ROBO1: variants seen among roughly 807,000 people sequenced by gnomAD.
The protein encoded by ROBO1 is roundabout homolog 1.
ROBO1 carries 149 observed loss-of-function variants against 195.9 expected under a neutral mutation model. That is an observed-to-expected ratio of 0.76 (90% CI 0.67 to 0.87). The LOEUF (loss-of-function observed/expected upper bound fraction) is 0.87. Among genes scored for constraint, ROBO1 ranks in the 40% least tolerant of loss-of-function variants. The pLI is 0.00. For missense variants in ROBO1, 1,933 were observed against 2,068.3 expected (o/e 0.93, Z 1.27); for synonymous variants, 816 against 733.2 (o/e 1.11, Z -1.82).
intron 2 of ROBO1, among the ~76,000 whole-genome samples, chr3:79,516,897 T>C (rs927652926): frequency 1.3e-5 from 2 of 152,202 alleles, no homozygotes; most frequent in African/African-American, 4.8e-5. Context: ...TAATGCACTA[T>C]TGCCTTCCTG....
chr3:79,478,417 A>T (rs1376174268), intron 2 of ROBO1, among the ~76,000 whole-genome samples: 1 of 142,876 alleles, frequency 7.0e-6, no homozygotes, highest in Non-Finnish European at 1.5e-5. Flanking sequence ...AAAGACTTAC[A>T]TGTTAAGCTT....
intron 3 of ROBO1, among the ~76,000 whole-genome samples, chr3:78,977,687 A>G (rs1198584060): frequency 3.3e-5 from 5 of 151,860 alleles, no homozygotes; most frequent in Non-Finnish European, 7.4e-5. Context: ...CCATGAGAAA[A>G]TAAAATCTCC....
At chr3:78,729,367 T>G (rs2082236798) in intron 5 of ROBO1, among the ~76,000 whole-genome samples, 1 of 152,198 alleles carries the variant, frequency 6.6e-6, no homozygotes, top group Admixed American at 6.5e-5. Flanking sequence ...TCACCAGAGA[T>G]CCTTTTCATG....
At chr3:78,897,644 T>C (rs930451535) in intron 4 of ROBO1, among the ~76,000 whole-genome samples, 2 of 152,160 alleles carry the variant, frequency 1.3e-5, no homozygotes, top group Admixed American at 1.3e-4. Context: ...TTTATTATAG[T>C]GCACTATAAA....
intron 2 of ROBO1, among the ~76,000 whole-genome samples, chr3:79,272,594 A>G (rs1013989966): frequency 3.3e-5 from 5 of 152,050 alleles, no homozygotes; most frequent in Non-Finnish European, 7.4e-5. Context: ...CAGAGAGAGA[A>G]TTTGTGTGTT....
intron 19 of ROBO1, among the ~76,000 whole-genome samples, chr3:78,648,265 G>T (rs1284833028): frequency 6.6e-6 from 1 of 152,024 alleles, no homozygotes; most frequent in African/African-American, 2.4e-5. Flanking sequence ...TCACTGAGTG[G>T]AAATGCCTGA....
intron 3 of ROBO1, among the ~76,000 whole-genome samples, chr3:79,029,550 A>G (rs1023144482): frequency 3.3e-5 from 5 of 152,214 alleles, no homozygotes; most frequent in Non-Finnish European, 7.3e-5. Context: ...ATATTTTCCA[A>G]TAATAGTAAC....
At chr3:79,250,880 C>T (rs904118563) in intron 2 of ROBO1, among the ~76,000 whole-genome samples, 1 of 152,222 alleles carries the variant, frequency 6.6e-6, no homozygotes, top group African/African-American at 2.4e-5. Context: ...CATGGAGAAA[C>T]CACGCCTCTA....
chr3:79,388,186 G>A (rs1274823691), intron 2 of ROBO1, among the ~76,000 whole-genome samples: 2 of 151,924 alleles, frequency 1.3e-5, no homozygotes, highest in Non-Finnish European at 2.9e-5. Context: ...TCTTTCTTAC[G>A]CTAAAATTAT....
intron 4 of ROBO1, among the ~76,000 whole-genome samples, chr3:78,819,000 A>G (rs2030522904): frequency 6.6e-6 from 1 of 152,206 alleles, no homozygotes; most frequent in African/African-American, 2.4e-5. Flanking sequence ...GAAGGTGTAT[A>G]TACAGGAAAA....
At position 79,414,279 on chromosome 3, in the gene ROBO1, A is replaced by G. The variant is rs557688366; in HGVS notation, c.88+175545T>C. On this transcript the variant is annotated intron_variant, in intron 2 of 30. Coordinates refer to ENST00000464233, the MANE Select transcript of ROBO1 (RefSeq NM_002941.4). ...GTGTATGTGTGCGTGTGTCTTCAAC[A>G]GTAGGTATACAGCTCATTGTGGGCT... is the stretch of plus-strand genomic sequence containing the variant. Among the ~76,000 whole-genome samples, 326 of 150,700 alleles carry G rather than the reference A, an allele frequency of 2.2e-3. 1 individual carries two copies. Among genetic ancestry groups the G allele is most frequent in the African/African-American group, 7.3e-3 (298 of 40,998 alleles).
Position 78,996,846 on chromosome 3 carries a change from CAT to C in ROBO1, c.173-57921_173-57920del, listed in dbSNP as rs1264189787. 9.2e-5 allele frequency among the ~76,000 whole-genome samples: 14 copies of C among 152,252 alleles called. No homozygotes were observed. The East Asian group carries it at 2.7e-3, about 29-fold the overall frequency. ...GCATGTGTGTATACACATAAGAATACATGTTTATATGTGTATGATTTATGTAG... is the reference window on the plus strand; with the variant it reads ...GCATGTGTGTATACACATAAGAATACGTTTATATGTGTATGATTTATGTAG... On this transcript the variant is annotated intron_variant, in intron 3 of 30. Coordinates refer to ENST00000464233, the MANE Select transcript of ROBO1 (RefSeq NM_002941.4).
chr3:79,699,332 C>G (rs564661062), intron 1 of ROBO1, among the ~76,000 whole-genome samples: 26 of 151,456 alleles, frequency 1.7e-4, no homozygotes, highest in Non-Finnish European at 3.0e-4. Flanking sequence ...GGGAGCGCCC[C>G]CTACATGGCA....
intron 1 of ROBO1, among the ~76,000 whole-genome samples, chr3:79,734,906 T>A (rs1329780262): frequency 6.6e-6 from 1 of 152,232 alleles, no homozygotes; most frequent in Non-Finnish European, 1.5e-5. Flanking sequence ...TTAATTTGTC[T>A]GGATGCTACC....
At chr3:79,339,718 G>T (rs76429919) in intron 2 of ROBO1, among the ~76,000 whole-genome samples, 2 of 152,056 alleles carry the variant, frequency 1.3e-5, no homozygotes, top group Non-Finnish European at 2.9e-5. Flanking sequence ...ATTAAGCTCC[G>T]TTGAAGGCCA....
At chr3:78,720,537 A>G (rs373845144) in intron 5 of ROBO1, among the ~76,000 whole-genome samples, 6 of 152,288 alleles carry the variant, frequency 3.9e-5, no homozygotes, top group South Asian at 2.1e-4. Context: ...ACAGTGTGGC[A>G]ATTCCTCAGG....
chr3:79,429,946 T>C (rs2038607975), intron 2 of ROBO1, among the ~76,000 whole-genome samples: 1 of 152,070 alleles, frequency 6.6e-6, no homozygotes, highest in Non-Finnish European at 1.5e-5. Flanking sequence ...ATATTTGCTA[T>C]TATAAATTGT....
At chr3:79,648,148 G>A (rs1045389570) in intron 1 of ROBO1, among the ~76,000 whole-genome samples, 4 of 152,144 alleles carry the variant, frequency 2.6e-5, no homozygotes, top group African/African-American at 9.6e-5. Context: ...GAACTTTTCC[G>A]GGCTAACCCA....
chr3:79,533,028 G>T, intron 2 of ROBO1: 1 of 365,748 alleles, frequency 2.7e-6, no homozygotes. Flanking sequence ...GAGAAGAATT[G>T]ATCCTTTAAA....
Sources: allele counts gnomAD v4.1 joint callset (sites outside exome capture counted in the v4.1 genomes callset), GRCh38; gene constraint gnomAD v4.1.1; transcripts MANE v1.5; gene names NCBI Gene and HGNC (gene_info 2026-07-23, HGNC 2026-07-21).